MAPDA: variants seen among roughly 807,000 people sequenced by gnomAD.
MAPDA encodes the protein N6-Methyl-AMP deaminase, also known as N6,N6-dimethyl-AMP deaminase.
At chr15:43,346,891 A>G in the MAPDA span, 1 of 733,704 alleles carries the variant, frequency 1.4e-6, no homozygotes, top group Non-Finnish European at 2.3e-6. Flanking sequence ...TATAAACAAG[A>G]TGTGCAAATG....
At chr15:43,336,512 G>T in the MAPDA span, 1 of 753,592 alleles carries the variant, frequency 1.3e-6, no homozygotes, top group Non-Finnish European at 2.1e-6. Context: ...CATCTATTCT[G>T]TAGTTCTTTG....
At chr15:43,338,554 G>A in the MAPDA span, among the ~76,000 whole-genome samples, 8 of 152,336 alleles carry the variant, frequency 5.3e-5, no homozygotes, top group Admixed American at 5.2e-4. Flanking sequence ...CAGAGCTCAT[G>A]CTCTTTCCCA....
At chr15:43,351,855 A>C in the MAPDA span, 4 of 1,551,724 alleles carry the variant, frequency 2.6e-6, no homozygotes, top group Non-Finnish European at 1.7e-6. Context: ...TGTCTTATGA[A>C]TCCATCAACT....
the MAPDA span, among the ~76,000 whole-genome samples, chr15:43,348,051 A>G: frequency 6.6e-6 from 1 of 152,254 alleles, no homozygotes; most frequent in Non-Finnish European, 1.5e-5. Flanking sequence ...CTTGTGTGCA[A>G]CATCAGAACT....
the MAPDA span, chr15:43,330,567 G>C: frequency 2.1e-6 from 3 of 1,456,718 alleles, no homozygotes; most frequent in African/African-American, 2.9e-5. Context: ...CACGGACCTC[G>C]GTAGGGGGAA....
chr15:43,341,579 C>T, the MAPDA span, among the ~76,000 whole-genome samples: 2 of 151,834 alleles, frequency 1.3e-5, no homozygotes, highest in Non-Finnish European at 2.9e-5. Context: ...TGGCTCATGC[C>T]TGTAATTCCA....
the MAPDA span, among the ~76,000 whole-genome samples, chr15:43,337,221 A>C: frequency 6.7e-6 from 1 of 148,458 alleles, no homozygotes; most frequent in Non-Finnish European, 1.5e-5. Context: ...GCTTGCGGAG[A>C]GCCGAGATCG....
chr15:43,335,511 G>A, the MAPDA span, among the ~76,000 whole-genome samples: 3 of 152,236 alleles, frequency 2.0e-5, no homozygotes, highest in Admixed American at 2.0e-4. Context: ...TCCAGCCTGG[G>A]TGACAGAGGG....
At chr15:43,343,461 C>T in the MAPDA span, among the ~76,000 whole-genome samples, 3 of 152,136 alleles carry the variant, frequency 2.0e-5, no homozygotes, top group Non-Finnish European at 4.4e-5. Context: ...TGTTCCCCTT[C>T]AGCACCTTTG....
chr15:43,348,972 A>G, the MAPDA span: 9 of 1,614,178 alleles, frequency 5.6e-6, no homozygotes, highest in Non-Finnish European at 7.6e-6. Flanking sequence ...TCGGGCATGG[A>G]ACATTTCTCA....
At chr15:43,332,870 T>G in the MAPDA span, among the ~76,000 whole-genome samples, 1 of 152,362 alleles carries the variant, frequency 6.6e-6, no homozygotes, top group East Asian at 1.9e-4. Context: ...ATCCCAGTGT[T>G]TGTTGCCTTC....
At chr15:43,337,295 AAG>A in the MAPDA span, among the ~76,000 whole-genome samples, 790 of 151,302 alleles carry the variant, frequency 5.2e-3, 14 homozygotes, top group East Asian at 0.049. Flanking sequence ...AAAAAAAAAA[AAG>A]AGAAGTATTA....
chr15:43,344,038 T>C, the MAPDA span, among the ~76,000 whole-genome samples: 2 of 152,148 alleles, frequency 1.3e-5, no homozygotes, highest in Non-Finnish European at 2.9e-5. Context: ...GTTTGTAAGT[T>C]ACACACTGCT....
chr15:43,344,861 T>C, the MAPDA span, among the ~76,000 whole-genome samples: 4 of 151,724 alleles, frequency 2.6e-5, no homozygotes, highest in East Asian at 1.9e-4. Context: ...TCAAGTCTTA[T>C]AGAATTCCAG....
At chr15:43,342,059 G>A in the MAPDA span, among the ~76,000 whole-genome samples, 4 of 151,996 alleles carry the variant, frequency 2.6e-5, no homozygotes, top group East Asian at 1.9e-4. Context: ...GGGTGGTCTC[G>A]AACTCCTGAC....
At chr15:43,345,462 A>G in the MAPDA span, among the ~76,000 whole-genome samples, 1 of 152,220 alleles carries the variant, frequency 6.6e-6, no homozygotes, top group Non-Finnish European at 1.5e-5. Context: ...TTCTTCAACA[A>G]ATAAGTTACA....
chr15:43,336,779 A>AT, the MAPDA span: 29 of 1,027,728 alleles, frequency 2.8e-5, no homozygotes, highest in Non-Finnish European at 3.4e-5. Context: ...GCTCTCATTA[A>AT]GAGTGATGAA....
the MAPDA span, among the ~76,000 whole-genome samples, chr15:43,347,553 C>G: frequency 1.3e-5 from 2 of 152,188 alleles, no homozygotes; most frequent in African/African-American, 2.4e-5. Context: ...CCCAAGCTCA[C>G]TGTTAGCATG....
At chr15:43,350,961 G>A in the MAPDA span, 15 of 1,551,404 alleles carry the variant, frequency 9.7e-6, no homozygotes, top group South Asian at 1.2e-4. Context: ...GACCTCAAAC[G>A]TCAAAAGTCA....
Sources: allele counts gnomAD v4.1 joint callset (sites outside exome capture counted in the v4.1 genomes callset), GRCh38; gene constraint gnomAD v4.1.1; transcripts MANE v1.5; gene names NCBI Gene and HGNC (gene_info 2026-07-23, HGNC 2026-07-21).